The following MYO9A variants were observed in gnomAD, a reference collection of about 807,000 sequenced individuals.
MYO9A encodes unconventional myosin-IXa.
Under a neutral mutation model 293.3 loss-of-function variants are expected in MYO9A, and 103 were observed. The ratio of observed to expected loss-of-function variants is 0.35; its 90% CI spans 0.30 to 0.41. The LOEUF is 0.41. Ranked by LOEUF, MYO9A falls within the 10% of genes least tolerant of loss-of-function variation. MYO9A has a pLI of 1.00. For synonymous variants in MYO9A, 1,001 were observed against 1,035.7 expected, an observed-to-expected ratio of 0.97 and a Z score of 0.64; for missense variants, 2,685 against 3,033.0, an observed-to-expected ratio of 0.89 and a Z score of 2.69.
At chr15:72,011,738 T>C (rs1410807556) in intron 6 of MYO9A, among the ~76,000 whole-genome samples, 2 of 152,246 alleles carry the variant, frequency 1.3e-5, no homozygotes, top group Non-Finnish European at 2.9e-5. Flanking sequence ...TAAATCTCTT[T>C]ACTGTAAGTT....
chr15:71,909,308 G>A (rs1015193240), intron 19 of MYO9A, among the ~76,000 whole-genome samples: 1 of 152,164 alleles, frequency 6.6e-6, no homozygotes, highest in Non-Finnish European at 1.5e-5. Flanking sequence ...TAAAAATATA[G>A]TTTATAAGAA....
chr15:71,884,404 G>T (rs559872962), intron 27 of MYO9A, among the ~76,000 whole-genome samples: 50 of 152,116 alleles, frequency 3.3e-4, no homozygotes, highest in Non-Finnish European at 5.9e-4. Context: ...CAGGCACAGT[G>T]CTTACAAAAT....
At chr15:71,942,384 T>C (rs1475380953) in intron 15 of MYO9A, among the ~76,000 whole-genome samples, 1 of 152,102 alleles carries the variant, frequency 6.6e-6, no homozygotes, top group Non-Finnish European at 1.5e-5. Context: ...GCTTTAGGTT[T>C]GTCTCTTGTA....
chr15:71,866,222 G>A (rs888331387), intron 32 of MYO9A, among the ~76,000 whole-genome samples: 4 of 152,140 alleles, frequency 2.6e-5, no homozygotes, highest in Non-Finnish European at 4.4e-5. Flanking sequence ...AGAAACCCCT[G>A]TAGACCACAC....
chr15:72,074,392 G>A (rs901042777), intron 1 of MYO9A, among the ~76,000 whole-genome samples: 1 of 151,904 alleles, frequency 6.6e-6, no homozygotes, highest in African/African-American at 2.4e-5. Context: ...AAAACTCATC[G>A]GAGAGCTGAG....
At chr15:71,984,534 C>T (rs1453901319) in intron 11 of MYO9A, among the ~76,000 whole-genome samples, 1 of 152,178 alleles carries the variant, frequency 6.6e-6, no homozygotes, top group Non-Finnish European at 1.5e-5. Context: ...CGGCTTCTAA[C>T]TTATTCTACG....
intron 1 of MYO9A, among the ~76,000 whole-genome samples, chr15:72,076,696 T>C (rs1331169235): frequency 6.6e-6 from 1 of 152,104 alleles, no homozygotes; most frequent in Non-Finnish European, 1.5e-5. Flanking sequence ...TTCAACACAA[T>C]CTCAATCAAA....
chr15:71,945,620 C>T (rs1015953811), intron 15 of MYO9A, among the ~76,000 whole-genome samples: 4 of 152,080 alleles, frequency 2.6e-5, no homozygotes, highest in Non-Finnish European at 5.9e-5. Context: ...GTTAAACTCA[C>T]TTTTTAGTTT....
chr15:71,867,404 T>C (rs775189669), intron 32 of MYO9A, among the ~76,000 whole-genome samples: 18 of 152,108 alleles, frequency 1.2e-4, no homozygotes, highest in Non-Finnish European at 2.5e-4. Flanking sequence ...GTTTAATTTC[T>C]TAAAAATCTT....
chr15:72,045,527 A>C (rs1249618536), intron 2 of MYO9A, among the ~76,000 whole-genome samples, 197 bp downstream of exon 2: 1 of 152,026 alleles, frequency 6.6e-6, no homozygotes, highest in African/African-American at 2.4e-5. Flanking sequence ...AGGCCTCCCA[A>C]AGTGCTGGGA....
At chr15:72,018,608 T>C (rs1392308462) in intron 6 of MYO9A, among the ~76,000 whole-genome samples, 2 of 152,166 alleles carry the variant, frequency 1.3e-5, no homozygotes, top group Non-Finnish European at 2.9e-5. Flanking sequence ...AGACTGTTGA[T>C]ATATAAAACA....
chr15:71,984,737 T>C (rs117148961), intron 11 of MYO9A, among the ~76,000 whole-genome samples: 2,541 of 152,342 alleles, frequency 0.017, 44 homozygotes, highest in Non-Finnish European at 0.026. Context: ...AATTTCACAG[T>C]ACTTTTTAGT....
intron 11 of MYO9A, among the ~76,000 whole-genome samples, chr15:71,988,399 C>G (rs1356955905): frequency 6.6e-6 from 1 of 152,156 alleles, no homozygotes; most frequent in Non-Finnish European, 1.5e-5. Flanking sequence ...AGAATAAAAA[C>G]AGTACTGACT....
intron 2 of MYO9A, chr15:72,041,485 G>A (rs921819393): frequency 8.5e-6 from 3 of 353,874 alleles, no homozygotes; most frequent in African/African-American, 6.5e-5. Flanking sequence ...CCAACAAGGT[G>A]AACCTTGGCA....
chr15:72,003,544 A>T (rs2076932256), intron 8 of MYO9A, among the ~76,000 whole-genome samples: 1 of 148,444 alleles, frequency 6.7e-6, no homozygotes, highest in Admixed American at 6.7e-5. Flanking sequence ...AAAATACATA[A>T]AAAAAAAAAA....
At chr15:71,918,414 C>T (rs757678768) in intron 18 of MYO9A, among the ~76,000 whole-genome samples, 55 of 151,962 alleles carry the variant, frequency 3.6e-4, no homozygotes, top group Non-Finnish European at 7.4e-4. Context: ...TTCATTTACA[C>T]AACTGAGTAC....
At chr15:71,946,816 C>CA (rs973245233) in intron 15 of MYO9A, among the ~76,000 whole-genome samples, 14 of 152,156 alleles carry the variant, frequency 9.2e-5, no homozygotes, top group African/African-American at 2.9e-4. Context: ...TTGTTCTTTT[C>CA]AAAAAACCAG....
chr15:71,872,193 T>C (rs906382032), intron 32 of MYO9A, among the ~76,000 whole-genome samples: 6 of 152,100 alleles, frequency 3.9e-5, no homozygotes, highest in Non-Finnish European at 8.8e-5. Context: ...GTCATTTTTT[T>C]TCTTAAGAAA....
chr15:71,998,356 T>TA (rs1674323325), intron 9 of MYO9A, among the ~76,000 whole-genome samples: 1 of 152,100 alleles, frequency 6.6e-6, no homozygotes, highest in African/African-American at 2.4e-5. Context: ...GTAGGCTTAA[T>TA]ACCTGGGTGA....
Sources: allele counts gnomAD v4.1 joint callset (sites outside exome capture counted in the v4.1 genomes callset), GRCh38; gene constraint gnomAD v4.1.1; transcripts MANE v1.5; gene names NCBI Gene and HGNC (gene_info 2026-07-23, HGNC 2026-07-21).